The following SLC60A1 variants were observed in gnomAD, a reference collection of about 807,000 sequenced individuals.
SLC60A1 encodes the protein major facilitator superfamily domain containing 4.
the SLC60A1 span, chr1:205,598,916 C>A: frequency 1.7e-6 from 1 of 602,048 alleles, no homozygotes. Flanking sequence ...GTCACCAGGT[C>A]CAGTCCCTGC....
chr1:205,595,789 G>C, the SLC60A1 span, among the ~76,000 whole-genome samples: 1 of 152,188 alleles, frequency 6.6e-6, no homozygotes, highest in Non-Finnish European at 1.5e-5. Context: ...TCAGTGTCTT[G>C]TTAACTCTTA....
chr1:205,577,624 C>G, the SLC60A1 span, among the ~76,000 whole-genome samples: 3 of 152,202 alleles, frequency 2.0e-5, no homozygotes, highest in Non-Finnish European at 4.4e-5. The surrounding 1 kb of genome is among the most constrained non-coding windows in gnomAD (Gnocchi z 5.2). Flanking sequence ...TCGGCTGGCA[C>G]TCCCCTCTCC....
At chr1:205,579,049 T>C in the SLC60A1 span, among the ~76,000 whole-genome samples, 2 of 152,152 alleles carry the variant, frequency 1.3e-5, no homozygotes, top group Non-Finnish European at 2.9e-5. Flanking sequence ...CTGTGGGCTT[T>C]TCTATTATCT....
the SLC60A1 span, chr1:205,586,169 T>C: frequency 6.2e-7 from 1 of 1,613,682 alleles, no homozygotes; most frequent in Non-Finnish European, 8.5e-7. Flanking sequence ...TCCCATATCC[T>C]CAAGAATGAA....
At chr1:205,596,544 C>CAAAAAAAAAA in the SLC60A1 span, among the ~76,000 whole-genome samples, 37 of 49,130 alleles carry the variant, frequency 7.5e-4, 4 homozygotes, top group Admixed American at 1.1e-3. Flanking sequence ...GACTCTGTCT[C>CAAAAAAAAAA]AAAAAAAAAA....
chr1:205,580,524 C>T, the SLC60A1 span: 7 of 1,142,608 alleles, frequency 6.1e-6, no homozygotes, highest in Non-Finnish European at 8.6e-6. The surrounding 1 kb of genome is among the most constrained non-coding windows in gnomAD (Gnocchi z 5.0). Context: ...GGCTGGGCAA[C>T]AGCCCCTACA....
At chr1:205,570,537 T>C in the SLC60A1 span, among the ~76,000 whole-genome samples, 1 of 152,222 alleles carries the variant, frequency 6.6e-6, no homozygotes, top group African/African-American at 2.4e-5. Flanking sequence ...CAGGTGTCAG[T>C]ACAGATGGAC....
At chr1:205,597,390 T>TG in the SLC60A1 span, among the ~76,000 whole-genome samples, 2 of 146,820 alleles carry the variant, frequency 1.4e-5, no homozygotes, top group African/African-American at 5.0e-5. Flanking sequence ...TTTTTTTTTT[T>TG]TTTTTTTTTT....
At chr1:205,602,583 C>CATG in the SLC60A1 span, 1 of 152,606 alleles carries the variant, frequency 6.6e-6, no homozygotes. Flanking sequence ...AGAAATTATT[C>CATG]ATGTTTGGTA....
chr1:205,600,342 G>T, the SLC60A1 span: 3 of 1,517,486 alleles, frequency 2.0e-6, no homozygotes, highest in Non-Finnish European at 2.7e-6. Context: ...CTCTCAGAAT[G>T]AATCATCACT....
At chr1:205,582,955 A>C in the SLC60A1 span, among the ~76,000 whole-genome samples, 2 of 152,226 alleles carry the variant, frequency 1.3e-5, no homozygotes, top group East Asian at 3.9e-4. Context: ...CCAGCCTTCC[A>C]TCTCTATCCT....
chr1:205,592,403 T>C, the SLC60A1 span: 1 of 1,133,096 alleles, frequency 8.8e-7, no homozygotes, highest in South Asian at 2.1e-5. Context: ...ATTATTATAC[T>C]TCACGTTTTA....
chr1:205,585,917 G>A, the SLC60A1 span: 2 of 1,149,438 alleles, frequency 1.7e-6, no homozygotes, highest in Non-Finnish European at 2.4e-6. The surrounding 1 kb of genome is among the most constrained non-coding windows in gnomAD (Gnocchi z 4.2). Flanking sequence ...CTCTGGGAGT[G>A]GGAACAGGCA....
At chr1:205,601,001 AG>A in the SLC60A1 span, 1 of 152,390 alleles carries the variant, frequency 6.6e-6, no homozygotes, top group Non-Finnish European at 1.5e-5. Flanking sequence ...AAACACCAAA[AG>A]GAAAAGTTGA....
At chr1:205,579,995 G>A in the SLC60A1 span, 1 of 1,571,360 alleles carries the variant, frequency 6.4e-7, no homozygotes, top group Non-Finnish European at 8.7e-7. Flanking sequence ...GGGAGGGCAT[G>A]GGAGCTCCCT....
chr1:205,575,068 C>A, the SLC60A1 span, among the ~76,000 whole-genome samples: 1 of 152,214 alleles, frequency 6.6e-6, no homozygotes, highest in Non-Finnish European at 1.5e-5. Flanking sequence ...TCAGCTGCCC[C>A]TTCCCCATCA....
the SLC60A1 span, chr1:205,598,091 C>T: frequency 3.8e-5 from 17 of 449,650 alleles, no homozygotes; most frequent in African/African-American, 3.0e-4. Context: ...AAAGCAAACA[C>T]AAGCCATGTC....
At chr1:205,584,121 T>G in the SLC60A1 span, 1 of 1,613,150 alleles carries the variant, frequency 6.2e-7, no homozygotes, top group Non-Finnish European at 8.5e-7. Flanking sequence ...CAGTCACACC[T>G]AGGTAGGGGC....
At chr1:205,592,896 G>C in the SLC60A1 span, among the ~76,000 whole-genome samples, 1 of 152,218 alleles carries the variant, frequency 6.6e-6, no homozygotes, top group Admixed American at 6.5e-5. Flanking sequence ...TATGGCATAG[G>C]AAAGGCATTT....
Sources: gnomAD v4.1 joint callset for allele counts (sites outside exome capture counted in the v4.1 genomes callset) on GRCh38, gnomAD v4.1.1 for gene constraint, Gnocchi (gnomAD v3.1) non-coding constraint, MANE v1.5 for transcripts, NCBI Gene and HGNC (gene_info 2026-07-23, HGNC 2026-07-21) for gene names.